The following MGAT4C variants were observed in gnomAD, a reference collection of about 807,000 sequenced individuals.
MGAT4C encodes alpha-1,3-mannosyl-glycoprotein 4-beta-N-acetylglucosaminyltransferase C.
In MGAT4C, 19 loss-of-function variants were observed where a neutral mutation model predicts 40.1. That is an observed-to-expected ratio of 0.47 (90% confidence interval 0.33 to 0.70). The LOEUF (loss-of-function observed/expected upper bound fraction) is 0.70. Among genes scored for constraint, MGAT4C ranks in the 30% least tolerant of loss-of-function variants. The pLI, the probability that MGAT4C is intolerant of heterozygous loss-of-function variation, is 0.02. For missense variants in MGAT4C, 491 were observed against 563.2 expected, an observed-to-expected ratio of 0.87 and a Z score of 1.30; for synonymous variants, 181 against 187.1, an observed-to-expected ratio of 0.97 and a Z score of 0.27.
intron 2 of MGAT4C, among the ~76,000 whole-genome samples, chr12:86,699,850 A>C (rs911044549): frequency 5.3e-5 from 8 of 152,060 alleles, no homozygotes; most frequent in African/African-American, 1.9e-4. Flanking sequence ...CATTGAGTAG[A>C]CTGAAGAGGA....
intron 2 of MGAT4C, among the ~76,000 whole-genome samples, chr12:86,485,423 C>A (rs1004508020): frequency 6.6e-6 from 1 of 152,046 alleles, no homozygotes; most frequent in Non-Finnish European, 1.5e-5. Context: ...AAAATCACTA[C>A]AAGAATTTCA....
At chr12:86,793,539 C>A (rs1246095016) in intron 1 of MGAT4C, among the ~76,000 whole-genome samples, 1 of 151,648 alleles carries the variant, frequency 6.6e-6, no homozygotes, top group South Asian at 2.1e-4. Context: ...CAGATAAAAC[C>A]TAGATGATTT....
chr12:86,380,178 A>T (rs1955902294), intron 3 of MGAT4C, among the ~76,000 whole-genome samples: 1 of 152,142 alleles, frequency 6.6e-6, no homozygotes, highest in African/African-American at 2.4e-5. Flanking sequence ...TACTTGATCT[A>T]CATCACAATA....
At chr12:86,719,006 C>G (rs1950695436) in intron 2 of MGAT4C, among the ~76,000 whole-genome samples, 1 of 152,156 alleles carries the variant, frequency 6.6e-6, no homozygotes, top group Non-Finnish European at 1.5e-5. Flanking sequence ...AAGACTGGCA[C>G]AAGCTGAACA....
chr12:86,028,261 C>T, intron 2 of MGAT4C: 3 of 972,248 alleles, frequency 3.1e-6, no homozygotes, highest in Admixed American at 2.5e-5. Flanking sequence ...CTCCTATTAC[C>T]TTCTCTTGCC....
intron 1 of MGAT4C, among the ~76,000 whole-genome samples, chr12:86,768,175 G>T (rs901948171): frequency 1.3e-5 from 2 of 152,086 alleles, no homozygotes; most frequent in African/African-American, 4.8e-5. Context: ...AAAGTCTCAG[G>T]ATACAAAATC....
At chr12:85,986,882 A>T (rs1253928081) in intron 3 of MGAT4C, among the ~76,000 whole-genome samples, 1 of 152,170 alleles carries the variant, frequency 6.6e-6, no homozygotes, top group Non-Finnish European at 1.5e-5. Flanking sequence ...ATTCATTTTT[A>T]GAAGAATAAT....
chr12:86,644,592 CA>C (rs1278163750), intron 2 of MGAT4C, among the ~76,000 whole-genome samples: 2 of 151,630 alleles, frequency 1.3e-5, no homozygotes, highest in African/African-American at 4.8e-5. Context: ...CCCGAAGTAT[CA>C]ACGAGCCAAA....
intron 2 of MGAT4C, among the ~76,000 whole-genome samples, chr12:86,523,787 T>C (rs545252073): frequency 2.0e-5 from 3 of 152,196 alleles, no homozygotes; most frequent in Non-Finnish European, 4.4e-5. Context: ...GATGCATATA[T>C]ATTTAGGATA....
chr12:86,509,898 T>G (rs1442654893), intron 2 of MGAT4C, among the ~76,000 whole-genome samples: 1 of 152,200 alleles, frequency 6.6e-6, no homozygotes, highest in Non-Finnish European at 1.5e-5. Flanking sequence ...TTGTGATTTT[T>G]GTACATTGAT....
chr12:86,250,524 G>A (rs56320114), intron 1 of MGAT4C, among the ~76,000 whole-genome samples: 2,250 of 152,094 alleles, frequency 0.015, 33 homozygotes, highest in African/African-American at 0.035. Context: ...GAGACTGTTG[G>A]TCTCTACATA....
chr12:86,032,712 T>G (rs989812867), intron 2 of MGAT4C, among the ~76,000 whole-genome samples: 2 of 149,690 alleles, frequency 1.3e-5, no homozygotes, highest in African/African-American at 2.4e-5. Flanking sequence ...CATTTTTTGG[T>G]TGTTTGTTTA....
intron 1 of MGAT4C, among the ~76,000 whole-genome samples, chr12:86,769,765 A>T (rs1284725478): frequency 6.6e-6 from 1 of 152,114 alleles, no homozygotes; most frequent in African/African-American, 2.4e-5. Flanking sequence ...TATCGCAAGG[A>T]CAAAAAACCA....
intron 4 of MGAT4C, among the ~76,000 whole-genome samples, chr12:86,320,062 T>C (rs1373469059): frequency 3.3e-5 from 5 of 152,134 alleles, no homozygotes; most frequent in Non-Finnish European, 7.4e-5. Context: ...TCTGCAGTTC[T>C]GCCCTGGGAG....
intron 1 of MGAT4C, among the ~76,000 whole-genome samples, chr12:86,795,309 T>C (rs748758674): frequency 4.6e-5 from 7 of 151,934 alleles, no homozygotes; most frequent in African/African-American, 1.2e-4. Context: ...CTGTGTACCA[T>C]TGATTAGTTC....
At chr12:86,747,114 C>G (rs1275519587) in intron 1 of MGAT4C, among the ~76,000 whole-genome samples, 1 of 151,716 alleles carries the variant, frequency 6.6e-6, no homozygotes, top group African/African-American at 2.4e-5. Flanking sequence ...TTGGACAAAT[C>G]TCTGATAAAC....
chr12:86,180,960 G>C (rs947401628), intron 1 of MGAT4C, among the ~76,000 whole-genome samples: 2 of 152,128 alleles, frequency 1.3e-5, no homozygotes, highest in East Asian at 3.9e-4. Context: ...TGGTTTGGCT[G>C]TGTCCCCACC....
At chr12:86,559,273 T>C (rs1959756947) in intron 2 of MGAT4C, among the ~76,000 whole-genome samples, 1 of 151,942 alleles carries the variant, frequency 6.6e-6, no homozygotes, top group Non-Finnish European at 1.5e-5. Context: ...TGCAAAATAT[T>C]AATGCAGAAA....
upstream of MGAT4C, among the ~76,000 whole-genome samples, chr12:86,260,714 G>A (rs1566238509): frequency 6.6e-6 from 1 of 151,938 alleles, no homozygotes; most frequent in Non-Finnish European, 1.5e-5. Flanking sequence ...CCATGACAAG[G>A]AGCAAGTTAT....
Sources: gnomAD v4.1 joint callset for allele counts (sites outside exome capture counted in the v4.1 genomes callset) on GRCh38, gnomAD v4.1.1 for gene constraint, MANE v1.5 for transcripts, NCBI Gene and HGNC (gene_info 2026-07-23, HGNC 2026-07-21) for gene names.